The following MYO16 variants were observed in gnomAD, a reference collection of about 807,000 sequenced individuals.
MYO16 encodes myosin XVI.
MYO16 carries 94 observed loss-of-function variants against 205.3 expected under a neutral mutation model. The observed-to-expected ratio is 0.46, with a 90% CI of 0.39 to 0.54. MYO16 has a LOEUF of 0.54. MYO16 is among the 20% of genes least tolerant of loss of function. The probability of loss-of-function intolerance (pLI) is 0.00; values close to 1 mark genes in which losing one functional copy is unlikely to be tolerated. For synonymous variants in MYO16, 988 were observed against 954.0 expected (o/e 1.04, Z -0.66); for missense variants, 2,315 against 2,387.5 (o/e 0.97, Z 0.63).
intron 23 of MYO16, among the ~76,000 whole-genome samples, chr13:109,030,696 C>T (rs1308858577): frequency 6.6e-6 from 1 of 152,128 alleles, no homozygotes; most frequent in Non-Finnish European, 1.5e-5. Flanking sequence ...CACTCTATTT[C>T]TGCTGTGGGC....
chr13:109,205,889 T>C (rs1880579267), intron 34 of MYO16, among the ~76,000 whole-genome samples: 3 of 152,224 alleles, frequency 2.0e-5, no homozygotes, highest in African/African-American at 4.8e-5. Context: ...GTTGCTAATT[T>C]AGCTCATTGC....
At chr13:109,089,320 TCTCCTGACTCAGC>T (rs1566500506) in intron 27 of MYO16, among the ~76,000 whole-genome samples, 3 of 151,942 alleles carry the variant, frequency 2.0e-5, no homozygotes, top group African/African-American at 7.3e-5. Context: ...TTCCAGCGAT[TCTCCTGACTCAGC>T]CTCCTGAGTA....
intron 3 of MYO16, among the ~76,000 whole-genome samples, chr13:108,715,346 A>G (rs1369272130): frequency 6.6e-6 from 1 of 151,964 alleles, no homozygotes; most frequent in Non-Finnish European, 1.5e-5. Flanking sequence ...GGGTATAGTA[A>G]CTCACCACTG....
At position 108,649,189 on chromosome 13, in the gene MYO16, C is replaced by T. The variant is rs140221150; in HGVS notation, c.29-16697C>T. Among the ~76,000 whole-genome samples, 326 of 151,906 alleles carry T rather than the reference C, an allele frequency of 2.1e-3. 4 individuals carry two copies. Among genetic ancestry groups the T allele is most frequent in the African/African-American group, 7.6e-3 (314 of 41,320 alleles). Reference sequence around the variant, plus strand: ...TGGATACGTATGTAACTAACCTGCACGTTGTGCACATGTCCCCTAAAACTT... The same window carrying T: ...TGGATACGTATGTAACTAACCTGCATGTTGTGCACATGTCCCCTAAAACTT... On this transcript the variant is annotated intron_variant, in intron 1 of 34. Transcript: ENST00000457511.
the MYO16 span, among the ~76,000 whole-genome samples, chr13:108,534,846 C>CT: frequency 1.4e-5 from 2 of 147,516 alleles, no homozygotes; most frequent in African/African-American, 5.0e-5. Flanking sequence ...TCTTCTCCTC[C>CT]TCATCCTCTT....
chr13:108,740,390 T>C (rs1341627959), intron 4 of MYO16, among the ~76,000 whole-genome samples: 1 of 152,224 alleles, frequency 6.6e-6, no homozygotes, highest in Non-Finnish European at 1.5e-5. Flanking sequence ...TGGAGTTTGC[T>C]GGAGGTTCAC....
At chr13:109,094,550 A>G (rs1183154548) in intron 27 of MYO16, among the ~76,000 whole-genome samples, 1 of 152,136 alleles carries the variant, frequency 6.6e-6, no homozygotes, top group Non-Finnish European at 1.5e-5. Flanking sequence ...TTATACTTTA[A>G]GCTCTGGGAT....
the MYO16 span, among the ~76,000 whole-genome samples, chr13:108,542,379 T>C: frequency 2.0e-5 from 3 of 152,166 alleles, no homozygotes; most frequent in African/African-American, 7.2e-5. Context: ...GCTTAGTATC[T>C]GCGTGATGAA....
intron 1 of MYO16, among the ~76,000 whole-genome samples, chr13:108,602,946 A>T (rs895436589): frequency 6.6e-6 from 1 of 152,204 alleles, no homozygotes; most frequent in Non-Finnish European, 1.5e-5. Flanking sequence ...CTGGAGAAAG[A>T]ACCTGGAAAA....
intron 31 of MYO16, among the ~76,000 whole-genome samples, chr13:109,139,576 TA>T (rs2094607417): frequency 1.3e-5 from 2 of 152,230 alleles, no homozygotes; most frequent in Admixed American, 6.5e-5. Context: ...GAAGTGGCTT[TA>T]TTCGGCCGGG....
the MYO16 span, among the ~76,000 whole-genome samples, chr13:108,555,146 A>G: frequency 6.6e-6 from 1 of 152,134 alleles, no homozygotes; most frequent in Non-Finnish European, 1.5e-5. Flanking sequence ...TCAGTTAACA[A>G]GGTTTTATTA....
At chr13:108,762,015 A>G (rs1885624722) in intron 4 of MYO16, among the ~76,000 whole-genome samples, 4 of 152,184 alleles carry the variant, frequency 2.6e-5, no homozygotes, top group South Asian at 4.1e-4. Flanking sequence ...TACCTTTACA[A>G]GCCTCCAATG....
At chr13:108,790,784 C>T (rs972597697) in intron 5 of MYO16, among the ~76,000 whole-genome samples, 7 of 152,108 alleles carry the variant, frequency 4.6e-5, no homozygotes, top group Admixed American at 1.3e-4. Flanking sequence ...TAATAATATT[C>T]CCCTGTGATG....
the MYO16 span, among the ~76,000 whole-genome samples, chr13:108,554,762 A>G: frequency 6.7e-6 from 1 of 150,136 alleles, no homozygotes; most frequent in Non-Finnish European, 1.5e-5. Flanking sequence ...AGGCAGGAGA[A>G]TGACGTGAAC....
At chr13:108,750,227 T>C (rs1305140278) in intron 4 of MYO16, among the ~76,000 whole-genome samples, 3 of 152,188 alleles carry the variant, frequency 2.0e-5, no homozygotes, top group African/African-American at 7.2e-5. Flanking sequence ...AAGAAACTTA[T>C]AGCACAAAAT....
At chr13:108,691,905 C>G (rs1045967426) in intron 2 of MYO16, among the ~76,000 whole-genome samples, 5 of 152,092 alleles carry the variant, frequency 3.3e-5, no homozygotes, top group African/African-American at 1.2e-4. Context: ...CTTTAGGAAA[C>G]AATTCTCTAT....
At chr13:108,878,800 C>T (rs1879453434) in intron 12 of MYO16, among the ~76,000 whole-genome samples, 1 of 152,248 alleles carries the variant, frequency 6.6e-6, no homozygotes, top group Non-Finnish European at 1.5e-5. Flanking sequence ...TGCTCCCCCT[C>T]CCATAAGGGG....
At chr13:108,528,597 TCC>T in the MYO16 span, among the ~76,000 whole-genome samples, 6 of 7,366 alleles carry the variant, frequency 8.1e-4, no homozygotes, top group Admixed American at 1.5e-3. Context: ...TCCCCTCCTC[TCC>T]CCTCTCCTCT....
rs146480247 is a variant in MYO16, at chr13:109,147,175, GA to G, written c.5164+5811del. 5.2e-3 allele frequency among the ~76,000 whole-genome samples: 654 copies of G among 125,776 alleles called. 2 individuals carry two copies. The highest frequency in any genetic ancestry group is 0.014 in the African/African-American group (488 of 34,450). The allele number at this position is 125,776 out of a possible 152,430, so 82.5% of individuals were successfully genotyped here. A position where few individuals can be genotyped will look rare whatever the true frequency, so the allele number is the denominator to read the frequency against. ...CTTGCAGACAGCCCCTTCTACTACA[GA>G]AAAAAAAAAAAGATTCTAAATATTA... is the stretch of plus-strand genomic sequence containing the variant. On this transcript the variant is annotated intron_variant, in intron 32 of 34. Transcript: ENST00000457511.
Sources: allele counts gnomAD v4.1 joint callset (sites outside exome capture counted in the v4.1 genomes callset), GRCh38; gene constraint gnomAD v4.1.1; transcripts MANE v1.5; gene names NCBI Gene and HGNC (gene_info 2026-07-23, HGNC 2026-07-21).